CEP85L: variants seen among roughly 807,000 people sequenced by gnomAD.
The protein encoded by CEP85L is centrosomal protein 85L.
In CEP85L, 60 loss-of-function variants were observed where a neutral mutation model predicts 100.3. The ratio of observed to expected loss-of-function variants is 0.60; its 90% CI spans 0.49 to 0.74. CEP85L has a LOEUF of 0.74. Among genes scored for constraint, CEP85L ranks in the 30% least tolerant of loss-of-function variants. The pLI is 0.00. For synonymous variants in CEP85L, 319 were observed against 322.7 expected (o/e 0.99, Z 0.12); for missense variants, 973 against 936.2 (o/e 1.04, Z -0.51).
At chr6:118,540,022 C>T (rs1777818770) in intron 3 of CEP85L, among the ~76,000 whole-genome samples, 1 of 150,822 alleles carries the variant, frequency 6.6e-6, no homozygotes, top group Admixed American at 6.6e-5. Flanking sequence ...GGTCATAAAA[C>T]AGGAACAAGT....
intron 2 of CEP85L, among the ~76,000 whole-genome samples, chr6:118,607,757 C>G (rs916784535): frequency 1.3e-5 from 2 of 152,100 alleles, no homozygotes; most frequent in African/African-American, 4.8e-5. Context: ...CAAAGTTGTC[C>G]AATCAGTGCT....
chr6:118,509,776 C>T (rs1386862551), intron 5 of CEP85L, among the ~76,000 whole-genome samples: 2 of 151,914 alleles, frequency 1.3e-5, no homozygotes, highest in Non-Finnish European at 2.9e-5. Context: ...ATAAGTACGC[C>T]AACAGTCTTT....
At chr6:118,589,115 C>CA (rs1407194299) in intron 2 of CEP85L, 1 of 302,586 alleles carries the variant, frequency 3.3e-6, no homozygotes, top group East Asian at 9.4e-5. Flanking sequence ...GGATGATGCT[C>CA]AGATATCAGA....
At chr6:118,628,585 A>C (rs1025220547) in intron 2 of CEP85L, among the ~76,000 whole-genome samples, 1 of 152,112 alleles carries the variant, frequency 6.6e-6, no homozygotes, top group Admixed American at 6.6e-5. Flanking sequence ...CAGCCAGCCA[A>C]GATCACACCA....
At chr6:118,592,575 G>A (rs1331637039) in intron 2 of CEP85L, among the ~76,000 whole-genome samples, 1 of 152,020 alleles carries the variant, frequency 6.6e-6, no homozygotes, top group African/African-American at 2.4e-5. Flanking sequence ...CAAAAACATA[G>A]TATTATTCAC....
intron 3 of CEP85L, among the ~76,000 whole-genome samples, chr6:118,546,377 T>A (rs907399959): frequency 6.6e-6 from 1 of 152,202 alleles, no homozygotes; most frequent in Non-Finnish European, 1.5e-5. Context: ...TTATTCTGTC[T>A]ACGGCAGCTT....
At chr6:118,699,449 T>C (rs2114352077) in intron 1 of CEP85L, among the ~76,000 whole-genome samples, 1 of 102,558 alleles carries the variant, frequency 9.8e-6, no homozygotes, top group South Asian at 3.1e-4. Flanking sequence ...AGCAAGACCT[T>C]GTCTCAAAAA....
At chr6:118,593,341 T>C (rs1323170219) in intron 2 of CEP85L, among the ~76,000 whole-genome samples, 1 of 148,698 alleles carries the variant, frequency 6.7e-6, no homozygotes, top group Non-Finnish European at 1.5e-5. Flanking sequence ...TGTACTGCTA[T>C]AAATACCTGA....
At chr6:118,576,648 G>C (rs1349527142) in intron 2 of CEP85L, among the ~76,000 whole-genome samples, 1 of 152,078 alleles carries the variant, frequency 6.6e-6, no homozygotes, top group Non-Finnish European at 1.5e-5. Flanking sequence ...CTTGCATATG[G>C]GGGGAATCCT....
chr6:118,676,276 T>C (rs1776478527), intron 1 of CEP85L, among the ~76,000 whole-genome samples: 2 of 152,214 alleles, frequency 1.3e-5, no homozygotes, highest in East Asian at 3.8e-4. Context: ...CTGAAATTTA[T>C]TCCTCCTATC....
intron 5 of CEP85L, among the ~76,000 whole-genome samples, chr6:118,504,599 T>C (rs755532423): frequency 2.6e-5 from 4 of 152,190 alleles, no homozygotes; most frequent in Non-Finnish European, 5.9e-5. Context: ...TAATATCCTT[T>C]ATAACAAATG....
Position 118,464,123 on chromosome 6 carries a change from C to T in CEP85L, c.*1282G>A, listed in dbSNP as rs1582835166. The T allele has an allele frequency of 2.0e-5, 3 of 152,104 alleles. No individual in the cohort carries two copies. Among genetic ancestry groups the T allele is most frequent in the South Asian group, 2.1e-4 (1 of 4,830 alleles). 9.4% of individuals were successfully genotyped at this position (152,104 alleles called of 1,614,324 possible). On this transcript the variant is annotated 3_prime_UTR_variant, in exon 13 of 13. Coordinates refer to ENST00000368491, the MANE Select transcript of CEP85L (RefSeq NM_001042475.3). ...ACCAACTTACAAAGGACAAGGCTTTCGCCAAAACTAAGTATATTCAAAAGA... is the reference window on the plus strand; with the variant it reads ...ACCAACTTACAAAGGACAAGGCTTTTGCCAAAACTAAGTATATTCAAAAGA...
intron 3 of CEP85L, among the ~76,000 whole-genome samples, chr6:118,524,280 TA>T (rs1176414009): frequency 1.3e-5 from 2 of 151,844 alleles, no homozygotes; most frequent in Non-Finnish European, 2.9e-5. Flanking sequence ...CCATCTCTAC[TA>T]AAAATACAAA....
intron 2 of CEP85L, among the ~76,000 whole-genome samples, chr6:118,567,130 A>C (rs902957491): frequency 4.0e-5 from 6 of 151,682 alleles, no homozygotes; most frequent in Non-Finnish European, 8.8e-5. Context: ...ATAATGAAAA[A>C]TAGTCCCAAA....
chr6:118,617,788 T>G lies in CEP85L; in HGVS notation c.232+14665A>C, dbSNP rs1245321739. 2.6e-5 allele frequency among the ~76,000 whole-genome samples: 4 copies of G among 152,150 alleles called. No homozygotes were observed. In the East Asian group the frequency reaches 7.7e-4, roughly 29 times the overall value. On this transcript the variant is annotated intron_variant, in intron 2 of 12. Coordinates refer to ENST00000368491, the MANE Select transcript of CEP85L (RefSeq NM_001042475.3). ...TTTGGCGTGGCTAGGCAAAGAACCTTGGGTGTTACATCTTAGTGAGCCAGC... is the reference window on the plus strand; with the variant it reads ...TTTGGCGTGGCTAGGCAAAGAACCTGGGGTGTTACATCTTAGTGAGCCAGC...
intron 2 of CEP85L, among the ~76,000 whole-genome samples, chr6:118,617,853 G>A (rs544822987): frequency 4.6e-5 from 7 of 152,266 alleles, no homozygotes; most frequent in African/African-American, 1.4e-4. Flanking sequence ...GCCACGCAGT[G>A]AGTACCCTCG....
chr6:118,709,968 G>C (rs547892094), intron 1 of CEP85L: 1 of 152,016 alleles, frequency 6.6e-6, no homozygotes. Context: ...ATAAATCAGG[G>C]TGTAGTTTGT....
intron 6 of CEP85L, among the ~76,000 whole-genome samples, chr6:118,489,992 C>T (rs2114596898): frequency 6.6e-6 from 1 of 151,968 alleles, no homozygotes; most frequent in Non-Finnish European, 1.5e-5. Context: ...TATACACACA[C>T]ACACGCACAC....
intron 2 of CEP85L, among the ~76,000 whole-genome samples, chr6:118,572,746 C>T (rs1442355821): frequency 6.6e-6 from 1 of 151,968 alleles, no homozygotes; most frequent in African/African-American, 2.4e-5. Flanking sequence ...GTAGAAAAGA[C>T]AATACAAACA....
Sources: allele counts gnomAD v4.1 joint callset (sites outside exome capture counted in the v4.1 genomes callset), GRCh38; gene constraint gnomAD v4.1.1; transcripts MANE v1.5; gene names NCBI Gene and HGNC (gene_info 2026-07-23, HGNC 2026-07-21).